KCNJ3: variants seen among roughly 807,000 people sequenced by gnomAD.
The protein encoded by KCNJ3 is G protein-activated inward rectifier potassium channel 1.
Under a neutral mutation model 39.2 loss-of-function variants are expected in KCNJ3, and 4 were observed. That is an observed-to-expected ratio of 0.10 (90% CI 0.05 to 0.23). The LOEUF is 0.23. KCNJ3 is among the 10% of genes least tolerant of loss of function. KCNJ3 has a pLI of 1.00. For missense variants in KCNJ3, 276 were observed against 634.9 expected (o/e 0.43, Z 6.08); for synonymous variants, 230 against 237.4 (o/e 0.97, Z 0.29).
intron 2 of KCNJ3, among the ~76,000 whole-genome samples, chr2:154,746,610 AT>A: frequency 1.3e-4 from 3 of 23,930 alleles, no homozygotes; most frequent in Admixed American, 8.6e-4. Context: ...GTATACACAG[AT>A]ATATATATAT....
chr2:154,750,625 T>C (rs1372454024), intron 2 of KCNJ3, among the ~76,000 whole-genome samples: 4 of 151,916 alleles, frequency 2.6e-5, no homozygotes, highest in African/African-American at 4.8e-5. Context: ...CCTTACAGTA[T>C]TGATTTATTA....
chr2:154,821,984 A>G (rs991331035), intron 2 of KCNJ3, among the ~76,000 whole-genome samples: 1 of 151,968 alleles, frequency 6.6e-6, no homozygotes, highest in African/African-American at 2.4e-5. Context: ...TGTTGACAGC[A>G]GAACTACACC....
intron 2 of KCNJ3, among the ~76,000 whole-genome samples, chr2:154,747,869 C>A (rs1278710433): frequency 1.3e-5 from 2 of 151,876 alleles, no homozygotes; most frequent in Admixed American, 1.3e-4. Context: ...GTGGAAGATT[C>A]CAGTGGCCAA....
chr2:154,793,896 T>TA (rs1686678341), intron 2 of KCNJ3, among the ~76,000 whole-genome samples: 1 of 152,048 alleles, frequency 6.6e-6, no homozygotes, highest in African/African-American at 2.4e-5. Flanking sequence ...TTAATGCCTC[T>TA]AGGCACTTGT....
intron 2 of KCNJ3, among the ~76,000 whole-genome samples, chr2:154,850,008 C>CTTTTTTTTTTTTTTTTTTTTTTTT (rs373062062): frequency 1.2e-4 from 6 of 48,858 alleles, no homozygotes; most frequent in Admixed American, 3.3e-4. Flanking sequence ...CAGAATAAAT[C>CTTTTTTTTTTTTTTTTTTTTTTTT]TTTTTTTTTT....
intron 2 of KCNJ3, among the ~76,000 whole-genome samples, chr2:154,735,068 C>CGTGTGTGTGTGT (rs1171630763): frequency 9.6e-6 from 1 of 103,722 alleles, no homozygotes; most frequent in African/African-American, 4.2e-5. Flanking sequence ...CCCTTGTAGG[C>CGTGTGTGTGTGT]CTGTGTGTGT....
chr2:154,829,003 A>G (rs937031196), intron 2 of KCNJ3, among the ~76,000 whole-genome samples: 3 of 152,168 alleles, frequency 2.0e-5, no homozygotes, highest in Admixed American at 6.6e-5. Context: ...AATAATGACT[A>G]TATCTGCTGT....
intron 2 of KCNJ3, among the ~76,000 whole-genome samples, chr2:154,799,586 G>T (rs1686776336): frequency 6.6e-6 from 1 of 152,056 alleles, no homozygotes; most frequent in South Asian, 2.1e-4. Flanking sequence ...CTTTTACCTT[G>T]GACAGCCCAA....
intron 1 of KCNJ3, among the ~76,000 whole-genome samples, chr2:154,706,880 C>T (rs1026336237): frequency 5.3e-5 from 8 of 152,194 alleles, no homozygotes; most frequent in Non-Finnish European, 8.8e-5. Context: ...ACATTAAAAC[C>T]ACACCCTTCA....
chr2:154,742,384 G>A (rs185732142), intron 2 of KCNJ3, among the ~76,000 whole-genome samples: 1 of 151,822 alleles, frequency 6.6e-6, no homozygotes, highest in African/African-American at 2.4e-5. Context: ...GGTCTTTTGG[G>A]TGTATACTCA....
At chr2:154,778,551 A>G (rs1686378363) in intron 2 of KCNJ3, among the ~76,000 whole-genome samples, 1 of 152,140 alleles carries the variant, frequency 6.6e-6, no homozygotes, top group African/African-American at 2.4e-5. Flanking sequence ...TCAAACTCTT[A>G]GCCTATTACA....
rs576428863 is a variant in KCNJ3 at position 154,705,909 on chromosome 2, T to A, written c.703-3694T>A. ...CCTTTATTTCCTTCCCAAGATTCTATAAAATTGAAAGTAGAAGTTGTATGG... is the reference window on the plus strand; with the variant it reads ...CCTTTATTTCCTTCCCAAGATTCTAAAAAATTGAAAGTAGAAGTTGTATGG... On this transcript the variant is annotated intron_variant, in intron 1 of 2. Coordinates refer to ENST00000295101, the MANE Select transcript of KCNJ3 (RefSeq NM_002239.4). Among the ~76,000 whole-genome samples the A allele has an allele frequency of 3.9e-5, 6 of 152,264 alleles. No individual in the cohort carries two copies. In the East Asian group the frequency reaches 1.2e-3, roughly 29 times the overall value.
intron 2 of KCNJ3, among the ~76,000 whole-genome samples, chr2:154,710,143 A>C (rs1685077528): frequency 6.6e-6 from 1 of 152,246 alleles, no homozygotes; most frequent in Admixed American, 6.5e-5. Context: ...TAAAGATTTA[A>C]GGCTCAAAAA....
intron 2 of KCNJ3, among the ~76,000 whole-genome samples, chr2:154,720,108 A>G (rs1171162638): frequency 6.6e-6 from 1 of 152,082 alleles, no homozygotes; most frequent in Non-Finnish European, 1.5e-5. Context: ...TATTTTATGA[A>G]CTGGAACATC....
intron 2 of KCNJ3, among the ~76,000 whole-genome samples, chr2:154,736,613 A>C (rs747301036): frequency 2.0e-5 from 3 of 152,130 alleles, no homozygotes; most frequent in Non-Finnish European, 4.4e-5. Context: ...CGTAAAGAGC[A>C]ACGAATGTGG....
chr2:154,705,749 T>C (rs1231269778), intron 1 of KCNJ3, among the ~76,000 whole-genome samples: 1 of 152,154 alleles, frequency 6.6e-6, no homozygotes, highest in African/African-American at 2.4e-5. Flanking sequence ...AATGTTCACG[T>C]TATAATTTTT....
chr2:154,767,474 T>C (rs781383715), intron 2 of KCNJ3, among the ~76,000 whole-genome samples: 3 of 152,304 alleles, frequency 2.0e-5, no homozygotes, highest in Admixed American at 1.3e-4. Context: ...CTGAGAATGA[T>C]GGTTTCCAGC....
chr2:154,827,975 G>A lies in KCNJ3; in HGVS notation c.920-26752G>A, dbSNP rs552135349. On this transcript the variant is annotated intron_variant, in intron 2 of 2. Coordinates refer to ENST00000295101, the MANE Select transcript of KCNJ3 (RefSeq NM_002239.4). The stretch of plus-strand genomic sequence containing the variant: ...TAGAAAATATAAACAGATACCGTCA[G>A]ATGTTTATTCTTGTGTTAGATGAAA... Among the ~76,000 whole-genome samples the A allele has an allele frequency of 2.6e-5, 4 of 152,204 alleles. No individual in the cohort carries two copies. In the East Asian group the frequency reaches 7.7e-4, roughly 29 times the overall value.
chr2:154,730,323 G>T lies in KCNJ3; in HGVS notation c.919+20504G>T, dbSNP rs374177303. Reference sequence around the variant, plus strand: ...TTGATTAAATTAAAGCCTTCTCTTAGTAAGAAATAATGAAATGAAGGAATG... The same window carrying T: ...TTGATTAAATTAAAGCCTTCTCTTATTAAGAAATAATGAAATGAAGGAATG... On this transcript the variant is annotated intron_variant, in intron 2 of 2. Coordinates refer to ENST00000295101, the MANE Select transcript of KCNJ3 (RefSeq NM_002239.4). 6.6e-5 allele frequency among the ~76,000 whole-genome samples: 10 copies of T among 152,092 alleles called. No homozygotes were observed. The South Asian group carries it at 2.1e-3, about 32-fold the overall frequency.
Sources: allele counts gnomAD v4.1 joint callset (sites outside exome capture counted in the v4.1 genomes callset), GRCh38; gene constraint gnomAD v4.1.1; transcripts MANE v1.5; gene names NCBI Gene and HGNC (gene_info 2026-07-23, HGNC 2026-07-21).